AR: variants seen among roughly 807,000 people sequenced by gnomAD.
The protein encoded by AR is dihydrotestosterone receptor.
A neutral mutation model predicts 53.9 loss-of-function variants in AR; 8 were observed. That is an observed-to-expected ratio of 0.15 (90% CI 0.09 to 0.27). AR has a LOEUF of 0.27. AR is among the 10% of genes least tolerant of loss of function. The pLI, the probability that AR is intolerant of heterozygous loss-of-function variation, is 1.00. For missense variants in AR, 639 were observed against 742.5 expected, an observed-to-expected ratio of 0.86 and a Z score of 1.62; for synonymous variants, 359 against 316.4, an observed-to-expected ratio of 1.13 and a Z score of -1.43.
chrX:67,621,663 C>A (rs1331895134), intron 1 of AR, among the ~76,000 whole-genome samples: 1 of 111,336 alleles, frequency 9.0e-6, no homozygotes, highest in Non-Finnish European at 1.9e-5. Flanking sequence ...CCAGTTTCAT[C>A]CATGTTCTTT....
chrX:67,699,345 A>T lies in AR; in HGVS notation c.1886-12057A>T, dbSNP rs149046423. ...GGATTCAGTTATTTGTGGTTGTAGG[A>T]CTAAGGCTCCCTCTTCCTTTCTGGC... On this transcript the variant is annotated intron_variant, in intron 3 of 7. Coordinates refer to ENST00000374690, the MANE Select transcript of AR (RefSeq NM_000044.6). Among the ~76,000 whole-genome samples the T allele has an allele frequency of 4.7e-3, 524 of 111,920 alleles. 4 individuals are homozygous for T. Among genetic ancestry groups the T allele is most frequent in the African/African-American group, 0.016 (490 of 30,821 alleles).
At chrX:67,627,405 G>GT (rs1225951959) in intron 1 of AR, among the ~76,000 whole-genome samples, 1 of 112,175 alleles carries the variant, frequency 8.9e-6, no homozygotes, top group Non-Finnish European at 1.9e-5. Flanking sequence ...TTTTTCATGT[G>GT]TTTTTTGGGT....
At chrX:67,713,970 G>C (rs1013487245) in intron 4 of AR, among the ~76,000 whole-genome samples, 3 of 112,390 alleles carry the variant, frequency 2.7e-5, no homozygotes, top group African/African-American at 9.7e-5. Context: ...CAAGTAATTT[G>C]CTAATTCAAT....
At chrX:67,621,353 T>TTTTG (rs888573710) in intron 1 of AR, among the ~76,000 whole-genome samples, 10 of 111,550 alleles carry the variant, frequency 9.0e-5, no homozygotes, top group African/African-American at 3.3e-4. Context: ...TTGTTGTTGT[T>TTTTG]TTTGTTTGTT....
intron 1 of AR, among the ~76,000 whole-genome samples, chrX:67,581,327 C>T (rs1922286481): frequency 1.8e-5 from 2 of 111,242 alleles, no homozygotes; most frequent in Non-Finnish European, 3.8e-5. Flanking sequence ...TTATATGTAC[C>T]TCTTATAGAA....
Position 67,544,959 on chromosome X carries a change from C to A in AR, c.-188C>A. Reference sequence around the variant, plus strand: ...TGTCCACCGTGTGTCTTCTTCTGCACGAGACTTTGAGGCTGTCAGAGCGCT... The same window carrying A: ...TGTCCACCGTGTGTCTTCTTCTGCAAGAGACTTTGAGGCTGTCAGAGCGCT... On this transcript the variant is annotated 5_prime_UTR_variant, in exon 1 of 8. Transcript: ENST00000374690. 1 of 534,970 alleles carries A rather than the reference C, an allele frequency of 1.9e-6. No homozygotes were observed. The highest frequency in any genetic ancestry group is 3.8e-5 in the East Asian group (1 of 26,297). The allele number at this position is 534,970 out of a possible 1,213,427, so 44.1% of individuals were successfully genotyped here.
At chrX:67,555,266 C>T (rs928438138) in intron 1 of AR, among the ~76,000 whole-genome samples, 4 of 111,609 alleles carry the variant, frequency 3.6e-5, no homozygotes, top group South Asian at 7.6e-4. Context: ...TTTAATCCTT[C>T]GTGGAAGTAA....
At chrX:67,642,965 T>G (rs1925863095) in intron 1 of AR, among the ~76,000 whole-genome samples, 1 of 111,667 alleles carries the variant, frequency 9.0e-6, no homozygotes, top group African/African-American at 3.3e-5. Flanking sequence ...GTTAGATATC[T>G]TAACCTCAGG....
At chrX:67,707,051 G>A (rs2076071298) in intron 3 of AR, among the ~76,000 whole-genome samples, 1 of 111,895 alleles carries the variant, frequency 8.9e-6, no homozygotes, top group South Asian at 3.8e-4. Flanking sequence ...ATTTGCTGAG[G>A]AGTGTTTTAC....
intron 7 of AR, among the ~76,000 whole-genome samples, chrX:67,723,357 A>T (rs867561241): frequency 4.6e-4 from 32 of 69,130 alleles, no homozygotes; most frequent in African/African-American, 1.4e-3. Context: ...TGTGTGTCAG[A>T]GAGAGAGAGA....
chrX:67,703,821 G>A (rs1265100938), intron 3 of AR, among the ~76,000 whole-genome samples: 2 of 110,680 alleles, frequency 1.8e-5, no homozygotes, highest in Admixed American at 1.9e-4. Flanking sequence ...ACAGGCCCCA[G>A]TGTGTGATGT....
chrX:67,555,706 A>G (rs1921019635), intron 1 of AR, among the ~76,000 whole-genome samples: 1 of 112,172 alleles, frequency 8.9e-6, no homozygotes, highest in African/African-American at 3.2e-5. Flanking sequence ...GAAATGGCCT[A>G]CCACCTAACA....
rs201288172 is a variant in AR at position 67,730,180 on chromosome X, T to G, written c.*6339T>G. 1 of 168,297 alleles carries G rather than the reference T, an allele frequency of 5.9e-6. No homozygotes were observed. The highest frequency in any genetic ancestry group is 3.1e-5 in the African/African-American group (1 of 32,218). The allele number at this position is 168,297 out of a possible 1,213,427, so 13.9% of individuals were successfully genotyped here. A position where few individuals can be genotyped will look rare whatever the true frequency, so the allele number is the denominator to read the frequency against. On this transcript the variant is annotated 3_prime_UTR_variant, in exon 8 of 8. Transcript: ENST00000374690. ...TTTCAATATTGAAGGAAAAAAGAAA[T>G]AAGAAGAGAGAGAGAAAGAAAGCAT...
intron 3 of AR, among the ~76,000 whole-genome samples, chrX:67,696,628 G>A (rs1229982886): frequency 1.8e-5 from 2 of 111,793 alleles, no homozygotes; most frequent in South Asian, 3.8e-4. Flanking sequence ...GGGCTGGGAG[G>A]GGATTGGAGA....
In AR at chrX:67,641,930, A is replaced by G. The variant is rs187148455; in HGVS notation, c.1617-1326A>G. On this transcript the variant is annotated intron_variant, in intron 1 of 7. Coordinates refer to ENST00000374690, the MANE Select transcript of AR (RefSeq NM_000044.6). ...CCAAAAGGCCATTGGTGGAAAGTAA[A>G]GGTGAGTGGTGAGAAGACAATAGGG... is the stretch of plus-strand genomic sequence containing the variant. Among the ~76,000 whole-genome samples, 614 of 108,990 alleles carry G rather than the reference A, an allele frequency of 5.6e-3. 7 individuals carry two copies. Among genetic ancestry groups the G allele is most frequent in the African/African-American group, 0.019 (583 of 30,022 alleles). 94.6% of individuals were successfully genotyped at this position (108,990 alleles called of 115,157 possible).
intron 4 of AR, 42 bp downstream of exon 4, chrX:67,711,731 T>C (rs2147525517): frequency 8.6e-7 from 1 of 1,158,152 alleles, no homozygotes; most frequent in Non-Finnish European, 1.2e-6. Context: ...AGGGGGATCA[T>C]ATTTAGTGAA....
At chrX:67,568,800 A>G in intron 1 of AR, 1 of 1,081,061 alleles carries the variant, frequency 9.3e-7, no homozygotes, top group Non-Finnish European at 1.2e-6. Context: ...AGAATGTTTT[A>G]TCAGCTCTGA....
At chrX:67,672,260 C>T (rs1312206445) in intron 2 of AR, among the ~76,000 whole-genome samples, 1 of 111,058 alleles carries the variant, frequency 9.0e-6, no homozygotes, top group East Asian at 2.9e-4. Context: ...ATAATGGCCT[C>T]CAGCTCCATC....
intron 1 of AR, among the ~76,000 whole-genome samples, chrX:67,587,331 T>A (rs1922596233): frequency 8.9e-6 from 1 of 112,765 alleles, no homozygotes; most frequent in Non-Finnish European, 1.9e-5. Flanking sequence ...TCATTAATGT[T>A]CATTTCATTT....
Sources: allele counts gnomAD v4.1 joint callset (sites outside exome capture counted in the v4.1 genomes callset), GRCh38; gene constraint gnomAD v4.1.1; transcripts MANE v1.5; gene names NCBI Gene and HGNC (gene_info 2026-07-23, HGNC 2026-07-21).